The following NAPA variants were observed in gnomAD, a reference collection of about 807,000 sequenced individuals.
The protein encoded by NAPA is alpha-soluble NSF attachment protein.
In NAPA, 18 loss-of-function variants were observed where a neutral mutation model predicts 48.0. That is an observed-to-expected ratio of 0.38 (90% CI 0.26 to 0.56). The LOEUF is 0.56. Among genes scored for constraint, NAPA ranks in the 20% least tolerant of loss-of-function variants. The probability of loss-of-function intolerance (pLI) is 0.77; values close to 1 mark genes in which losing one functional copy is unlikely to be tolerated. For synonymous variants in NAPA, 152 were observed against 149.9 expected (o/e 1.01, Z -0.10); for missense variants, 315 against 385.0 (o/e 0.82, Z 1.52).
At chr19:47,511,780 G>A (rs1968808839) in intron 1 of NAPA, among the ~76,000 whole-genome samples, 2 of 152,202 alleles carry the variant, frequency 1.3e-5, no homozygotes, top group Non-Finnish European at 2.9e-5. Flanking sequence ...CCATCCATCA[G>A]CAGGTTGAGC....
At chr19:47,490,715 T>TTGTCCCACCTGGAGCCCCAGCCACCCCCG in intron 9 of NAPA, 73 bp downstream of exon 9, 1 of 1,297,454 alleles carries the variant, frequency 7.7e-7, no homozygotes. Context: ...GTCTTGGCGA[T>TTGTCCCACCTGGAGCCCCAGCCACCCCCG]TGTCCCACCT....
rs10853789 is a variant in NAPA, at chr19:47,488,194, A to G, written c.*94T>C. 0.14 allele frequency: 171,766 copies of G among 1,242,616 alleles called. 13,657 individuals are homozygous for G. Among genetic ancestry groups the G allele is most frequent in the Admixed American group, 0.26 (13,814 of 54,046 alleles). 77.0% of individuals were successfully genotyped at this position (1,242,616 alleles called of 1,614,324 possible). On this transcript the variant is annotated 3_prime_UTR_variant, in exon 11 of 11. Coordinates refer to ENST00000263354, the MANE Select transcript of NAPA (RefSeq NM_003827.4). ...CACTGTGGCCCGCGGCACTCCCCAG[A>G]TGGGAAAGGAGGGAAGCTCTCCAGC...
intron 9 of NAPA, among the ~76,000 whole-genome samples, chr19:47,490,411 C>T (rs1367637624): frequency 1.6e-5 from 2 of 123,768 alleles, no homozygotes; most frequent in African/African-American, 3.2e-5. Flanking sequence ...GTGTGTGTAG[C>T]GTGTGGTGTG....
intron 3 of NAPA, among the ~76,000 whole-genome samples, chr19:47,498,617 C>A (rs1025998711): frequency 2.0e-5 from 3 of 152,172 alleles, no homozygotes; most frequent in Non-Finnish European, 4.4e-5. Flanking sequence ...CAGGATCTCA[C>A]TATGTTGTCC....
intron 1 of NAPA, among the ~76,000 whole-genome samples, chr19:47,505,982 T>C (rs1267778149): frequency 6.6e-6 from 1 of 151,480 alleles, no homozygotes; most frequent in African/African-American, 2.4e-5. Flanking sequence ...TGGGCCTTGT[T>C]TGGAGTGACT....
Position 47,492,009 on chromosome 19 carries a change from T to C in NAPA, c.666+6A>G. The C allele has an allele frequency of 6.2e-7, 1 of 1,613,148 alleles. No individual in the cohort carries two copies. The highest frequency in any genetic ancestry group is 8.5e-7 in the Non-Finnish European group (1 of 1,179,334). ...GCGGTGGTCCTGCGGGCGTGGGGTG[T>C]GCTACCTTGGCGTTGAGCATGTCGA... is the stretch of plus-strand genomic sequence containing the variant. On this transcript the variant is annotated splice_donor_region_variant and intron_variant, in intron 8 of 10. Transcript: ENST00000263354.
At position 47,488,560 on chromosome 19, in the gene NAPA, C is replaced by A. The variant is rs1968145495; in HGVS notation, c.787-171G>T. Reference sequence around the variant, plus strand: ...CTCAGCCATGGGAGCTCCCTCTTGTCTGTCTTGACTATGCTGGGCACATCA... The same window carrying A: ...CTCAGCCATGGGAGCTCCCTCTTGTATGTCTTGACTATGCTGGGCACATCA... On this transcript the variant is annotated intron_variant, in intron 10 of 10. Transcript: ENST00000263354. The A allele has an allele frequency of 2.7e-5, 14 of 517,530 alleles. No homozygotes were observed. The South Asian group carries it at 3.4e-4, about 12-fold the overall frequency. The allele number at this position is 517,530 out of a possible 1,614,324, so 32.1% of individuals were successfully genotyped here. A position where few individuals can be genotyped will look rare whatever the true frequency, so the allele number is the denominator to read the frequency against.
rs980428126 is a variant in NAPA, at chr19:47,493,880, C to T, written c.343-387G>A. On this transcript the variant is annotated intron_variant, in intron 4 of 10. Transcript: ENST00000263354. This position sits in a 1 kb window ranked among gnomAD's most constrained non-coding sequence, Gnocchi z 6.4. ...AGGCGGAAGGACCAGTCCAGAGCCA[C>T]TTGGCAAAGGGCTCTGGAGAAACCA... Among the ~76,000 whole-genome samples, 5 of 152,218 alleles carry T rather than the reference C, an allele frequency of 3.3e-5. No individual in the cohort carries two copies. The highest frequency in any genetic ancestry group is 5.9e-5 in the Non-Finnish European group (4 of 68,028).
At chr19:47,500,549 C>T in intron 3 of NAPA, 84 bp downstream of exon 3, 1 of 1,165,044 alleles carries the variant, frequency 8.6e-7, no homozygotes, top group Non-Finnish European at 1.2e-6. Context: ...AAAACCAGAG[C>T]CGCCAGGAAA....
chr19:47,485,953 T>C (rs944287184), downstream of NAPA, among the ~76,000 whole-genome samples: 1 of 152,194 alleles, frequency 6.6e-6, no homozygotes, highest in African/African-American at 2.4e-5. Context: ...AAGCCACATG[T>C]TGAGCGGATG....
In NAPA at chr19:47,515,032, C is replaced by T; in HGVS notation, c.-92G>A. 2.3e-6 allele frequency: 3 copies of T among 1,309,276 alleles called. No homozygotes were observed. Among genetic ancestry groups the T allele is most frequent in the Non-Finnish European group, 3.2e-6 (3 of 946,416 alleles). The allele number at this position is 1,309,276 out of a possible 1,614,324, so 81.1% of individuals were successfully genotyped here. ...CCGCGGAACACAGATCGGTAAAACT[C>T]GCCCGGCTGCGTTGACGTCGCACCG... On this transcript the variant is annotated 5_prime_UTR_variant, in exon 1 of 11. Transcript: ENST00000263354.
intron 1 of NAPA, among the ~76,000 whole-genome samples, chr19:47,507,489 C>T (rs1386792024): frequency 6.6e-6 from 1 of 152,182 alleles, no homozygotes; most frequent in Non-Finnish European, 1.5e-5. Flanking sequence ...CCTCACGAGG[C>T]AGGGTGGACA....
intron 3 of NAPA, among the ~76,000 whole-genome samples, chr19:47,499,671 A>C (rs1400966944): frequency 1.3e-5 from 2 of 152,230 alleles, no homozygotes; most frequent in East Asian, 3.8e-4. Context: ...GCTACTGGTC[A>C]ACACAAATTC....
At chr19:47,499,182 C>T (rs914041117) in intron 3 of NAPA, among the ~76,000 whole-genome samples, 12 of 152,216 alleles carry the variant, frequency 7.9e-5, no homozygotes, top group Admixed American at 6.5e-4. Context: ...GGAGGGACCC[C>T]ACCATATCCC....
At chr19:47,487,203 GA>G (rs1446574946), downstream of NAPA, among the ~76,000 whole-genome samples, 1 of 152,176 alleles carries the variant, frequency 6.6e-6, no homozygotes, top group East Asian at 1.9e-4. Flanking sequence ...CCCGTCCTGT[GA>G]CAGATGGAAC....
downstream of NAPA, among the ~76,000 whole-genome samples, chr19:47,485,796 T>C (rs1366676610): frequency 6.6e-6 from 1 of 152,196 alleles, no homozygotes; most frequent in Non-Finnish European, 1.5e-5. Flanking sequence ...TGGAGGGCAG[T>C]CTGGGAATGC....
chr19:47,488,375 G>A lies in NAPA; in HGVS notation c.801C>T (p.Asp267=). 6.2e-7 allele frequency: 1 copy of A among 1,613,340 alleles called. No homozygotes were observed. The highest frequency in any genetic ancestry group is 8.5e-7 in the Non-Finnish European group (1 of 1,179,520). Residue 267 remains aspartate, a synonymous_variant, in exon 11 of 11, where the codon GAC becomes GAT. Coordinates refer to ENST00000263354, the MANE Select transcript of NAPA (RefSeq NM_003827.4). ...GCCACTGGTCCAGCCGGGAGATGGA[G>A]TCGTATTCCTTCACCTGAGGGCACA... ...DSYTESVKEY[D]SISRLDQWLT...
rs754104858 is a variant in NAPA, at chr19:47,493,159, C to G, written c.436G>C (p.Glu146Gln). Reference protein sequence around the residue: ...VDIEKAIAHYEQSADYYKGEE... With the variant: ...VDIEKAIAHYQQSADYYKGEE... The stretch of plus-strand genomic sequence containing the variant: ...CCTTTGTAGTAGTCTGCAGACTGCT[C>G]GTAGTGGGCAATGGCCTGGGGAGAC... Residue 146 changes from glutamate to glutamine, a missense_variant, in exon 6 of 11, where the codon GAG becomes CAG. Physicochemically the swap from Glu to Gln is conservative, Grantham distance 29. Around this residue, in one of 3 missense-constraint regions of NAPA, gnomAD observed 173 missense variants for 213.5 expected, o/e 0.81. Transcript: ENST00000263354. The surrounding 1 kb of genome is among the most constrained non-coding windows in gnomAD (Gnocchi z 6.4). The G allele has an allele frequency of 6.3e-7, 1 of 1,599,752 alleles. No homozygotes were observed. Among genetic ancestry groups the G allele is most frequent in the Admixed American group, 1.7e-5 (1 of 59,392 alleles).
Position 47,515,024 on chromosome 19 carries a change from G to C in NAPA, c.-84C>G, listed in dbSNP as rs1008095483. ...CGGCCGGGCCGCGGAACACAGATCG[G>C]TAAAACTCGCCCGGCTGCGTTGACG... On this transcript the variant is annotated 5_prime_UTR_variant, in exon 1 of 11. Coordinates refer to ENST00000263354, the MANE Select transcript of NAPA (RefSeq NM_003827.4). 7.2e-7 allele frequency: 1 copy of C among 1,379,870 alleles called. No homozygotes were observed. The highest frequency in any genetic ancestry group is 1.0e-6 in the Non-Finnish European group (1 of 1,001,738). The allele number at this position is 1,379,870 out of a possible 1,614,324, so 85.5% of individuals were successfully genotyped here. A position where few individuals can be genotyped will look rare whatever the true frequency, so the allele number is the denominator to read the frequency against.
Sources: gnomAD v4.1 joint callset for allele counts (sites outside exome capture counted in the v4.1 genomes callset) on GRCh38, gnomAD v4.1.1 for gene constraint, gnomAD v4.1.1 regional missense constraint, Gnocchi (gnomAD v3.1) non-coding constraint, MANE v1.5 for transcripts, NCBI Gene and HGNC (gene_info 2026-07-23, HGNC 2026-07-21) for gene names.